SLC2A14: variants seen among roughly 807,000 people sequenced by gnomAD.
The protein encoded by SLC2A14 is solute carrier family 2, facilitated glucose transporter member 14.
A neutral mutation model predicts 43.0 loss-of-function variants in SLC2A14; 13 were observed. That is an observed-to-expected ratio of 0.30 (90% CI 0.20 to 0.48). The LOEUF (loss-of-function observed/expected upper bound fraction) is 0.48. Ranked by LOEUF, SLC2A14 falls within the 20% of genes least tolerant of loss-of-function variation. The pLI, the probability that SLC2A14 is intolerant of heterozygous loss-of-function variation, is 0.99. For missense variants in SLC2A14, 428 were observed against 620.4 expected (o/e 0.69, Z 3.29); for synonymous variants, 190 against 233.8 (o/e 0.81, Z 1.71).
chr12:7,881,370 G>C (rs1397679177), intron 1 of SLC2A14, among the ~76,000 whole-genome samples: 1 of 151,806 alleles, frequency 6.6e-6, no homozygotes, highest in Non-Finnish European at 1.5e-5. Context: ...CCCGCACTCG[G>C]AGCGGCCGGC....
At chr12:7,888,217 T>G (rs924499921) in intron 1 of SLC2A14, among the ~76,000 whole-genome samples, 3 of 152,098 alleles carry the variant, frequency 2.0e-5, no homozygotes, top group Non-Finnish European at 2.9e-5. Context: ...CAGCTTCGGT[T>G]GGCACACATG....
chr12:7,844,949 GGTAA>G (rs932757763), intron 2 of SLC2A14, among the ~76,000 whole-genome samples: 9 of 152,034 alleles, frequency 5.9e-5, no homozygotes, highest in African/African-American at 2.2e-4. Flanking sequence ...AAACTTTTGT[GGTAA>G]GTAAGTAAAG....
chr12:7,859,695 C>T (rs901174617), intron 2 of SLC2A14, among the ~76,000 whole-genome samples: 1 of 152,036 alleles, frequency 6.6e-6, no homozygotes, highest in Non-Finnish European at 1.5e-5. Context: ...GGGGAAGTGA[C>T]CCAGGAGTTC....
intron 2 of SLC2A14, among the ~76,000 whole-genome samples, chr12:7,868,127 T>C (rs1001332760): frequency 1.3e-5 from 2 of 152,252 alleles, no homozygotes; most frequent in Admixed American, 6.5e-5. Context: ...AATAAATTGC[T>C]ACAGCCAACC....
chr12:7,832,734 A>G lies in SLC2A14; in HGVS notation c.99T>C (p.Asn33=). The part of the protein sequence containing the change: ...FQFGYNTGVI[N]APETIIKEFI... ...GCCTGGCACTCACCGTCTCAGGAGC[A>G]TTGATGACCCCAGTGTTGTAGCCAA... The change falls in exon 3 of 11, where the codon AAT becomes AAC. Residue 33 remains asparagine (N), a synonymous_variant. Transcript: ENST00000431042. 1 of 1,614,138 alleles carries G rather than the reference A, an allele frequency of 6.2e-7. No individual in the cohort carries two copies. The highest frequency in any genetic ancestry group is 8.5e-7 in the Non-Finnish European group (1 of 1,179,990).
At chr12:7,855,523 C>A (rs1867287386) in intron 2 of SLC2A14, among the ~76,000 whole-genome samples, 1 of 152,132 alleles carries the variant, frequency 6.6e-6, no homozygotes, top group South Asian at 2.1e-4. Context: ...GAAATCTAAA[C>A]AGGCCATTAC....
exon 1 of SLC2A14, chr12:7,891,144 G>C (rs781654415): frequency 2.0e-6 from 3 of 1,530,232 alleles, no homozygotes; most frequent in Non-Finnish European, 1.7e-6. Flanking sequence ...CAAAAGTCAG[G>C]TTGTGTGGGA....
intron 2 of SLC2A14, among the ~76,000 whole-genome samples, chr12:7,855,629 T>C (rs1867298352): frequency 6.6e-6 from 1 of 151,618 alleles, no homozygotes; most frequent in Non-Finnish European, 1.5e-5. Context: ...AAATGCTCCT[T>C]TTTTTTTCTT....
intron 2 of SLC2A14, among the ~76,000 whole-genome samples, chr12:7,849,339 C>T (rs1442920308): frequency 4.6e-5 from 7 of 152,026 alleles, no homozygotes; most frequent in South Asian, 2.1e-4. Context: ...TTCATCTCTA[C>T]AAACAATACA....
intron 8 of SLC2A14, 26 bp downstream of exon 8, chr12:7,821,195 C>G: frequency 6.3e-7 from 1 of 1,581,662 alleles, no homozygotes; most frequent in Non-Finnish European, 8.7e-7. Context: ...TTTCTCCCCC[C>G]AAAATTATCA....
chr12:7,826,899 TTCTTTCTTTC>T lies in SLC2A14; in HGVS notation c.864+586_864+595del, dbSNP rs1373686666. ...TTTCTTTCTTTCTTTCTTTCTTTCT[TTCTTTCTTTC>T]TTTCTTTTTCCTTTTTCTTTCCTTT... On this transcript the variant is annotated intron_variant, in intron 7 of 10. Transcript: ENST00000431042. Among the ~76,000 whole-genome samples the T allele has an allele frequency of 3.1e-4, 24 of 78,218 alleles. 1 individual carries two copies. The highest frequency in any genetic ancestry group is 1.4e-3 in the African/African-American group (22 of 15,986). 51.3% of individuals were successfully genotyped at this position (78,218 alleles called of 152,430 possible). A position where few individuals can be genotyped will look rare whatever the true frequency, so the allele number is the denominator to read the frequency against.
At chr12:7,887,645 G>A (rs1197307702) in intron 1 of SLC2A14, among the ~76,000 whole-genome samples, 2 of 152,026 alleles carry the variant, frequency 1.3e-5, no homozygotes, top group African/African-American at 4.8e-5. Context: ...TGTTACCTGT[G>A]TTGCCTGGCC....
At chr12:7,869,728 C>G in intron 2 of SLC2A14, 135 bp downstream of exon 2, 1 of 549,228 alleles carries the variant, frequency 1.8e-6, no homozygotes, top group Non-Finnish European at 3.1e-6. Context: ...TTGGCTGTAA[C>G]AGTCTCTCCC....
intron 10 of SLC2A14, among the ~76,000 whole-genome samples, chr12:7,816,596 G>A (rs1308425459): frequency 6.6e-6 from 1 of 151,076 alleles, no homozygotes; most frequent in Non-Finnish European, 1.5e-5. Flanking sequence ...GGGCACCATG[G>A]TGCCTGCCTG....
intron 2 of SLC2A14, among the ~76,000 whole-genome samples, chr12:7,833,287 T>G (rs754873232): frequency 6.6e-6 from 1 of 152,294 alleles, no homozygotes; most frequent in East Asian, 1.9e-4. Flanking sequence ...GGTAGTAGTT[T>G]GTGTCTTCAC....
chr12:7,883,590 CTTTT>C (rs1204450230), intron 1 of SLC2A14, among the ~76,000 whole-genome samples: 5 of 95,210 alleles, frequency 5.3e-5, no homozygotes, highest in Non-Finnish European at 9.8e-5. Flanking sequence ...TTTTTCTTTT[CTTTT>C]TTTTTTTTTT....
At chr12:7,871,275 T>A (rs1195057692) in intron 1 of SLC2A14, 2 of 1,182,716 alleles carry the variant, frequency 1.7e-6, no homozygotes, top group Non-Finnish European at 1.1e-6. Flanking sequence ...AAGAAGTGGA[T>A]GAGATGTACT....
chr12:7,814,370 G>A lies in SLC2A14; in HGVS notation c.1440C>T (p.Gly480=), dbSNP rs1863249767. The A allele has an allele frequency of 1.9e-6, 3 of 1,611,082 alleles. No homozygotes were observed. Among genetic ancestry groups the A allele is most frequent in the African/African-American group, 1.3e-5 (1 of 74,736 alleles). ...GCTCGATGCTGTTCATCCCCATGAC[G>A]CCGTCCTTCCCAGATCTATCTGCAC... ...AHGADRSGKD[G]VMGMNSIEPA... is the part of the protein sequence containing the mutation. The change falls in exon 11 of 11, where the codon GGC becomes GGT. Residue 480 remains glycine, a synonymous_variant. Transcript: ENST00000431042.
chr12:7,820,468 G>A (rs1863821878), intron 8 of SLC2A14, among the ~76,000 whole-genome samples: 1 of 152,120 alleles, frequency 6.6e-6, no homozygotes, highest in Non-Finnish European at 1.5e-5. Flanking sequence ...ACCAACCTGT[G>A]AGCTCTGATG....
Sources: allele counts gnomAD v4.1 joint callset (sites outside exome capture counted in the v4.1 genomes callset), GRCh38; gene constraint gnomAD v4.1.1; transcripts MANE v1.5; gene names NCBI Gene and HGNC (gene_info 2026-07-23, HGNC 2026-07-21).